The following RELL1 variants were observed in gnomAD, a reference collection of about 807,000 sequenced individuals.
RELL1 encodes the protein RELT-like protein 1.
RELL1 carries 10 observed loss-of-function variants against 23.0 expected under a neutral mutation model. The ratio of observed to expected loss-of-function variants is 0.43; its 90% CI spans 0.27 to 0.74. The LOEUF (loss-of-function observed/expected upper bound fraction) is 0.74, where lower values mean the gene tolerates loss of function less well. RELL1 is among the 30% of genes least tolerant of loss of function. The pLI is 0.19. For missense variants in RELL1, 315 were observed against 364.4 expected, an observed-to-expected ratio of 0.86 and a Z score of 1.10; for synonymous variants, 146 against 146.8, an observed-to-expected ratio of 0.99 and a Z score of 0.04.
At chr4:37,595,609 G>GTATAC (rs1553870167) in intron 6 of RELL1, among the ~76,000 whole-genome samples, 1 of 152,198 alleles carries the variant, frequency 6.6e-6, no homozygotes, top group Non-Finnish European at 1.5e-5. Context: ...TGTAATAAAG[G>GTATAC]ATGTGGGAGC....
rs1252472736 is a variant in RELL1, at chr4:37,673,196, T to TTTTTTC, written c.88+13003_88+13004insGAAAAA. On this transcript the variant is annotated intron_variant, in intron 1 of 6. Transcript: ENST00000454158. ...ATATACTTTTTTTTTCTTTTTTTTTTTTTTTTTTTTTGAGACAGGGTTTCA... is the reference window on the plus strand; with the variant it reads ...ATATACTTTTTTTTTCTTTTTTTTTTTTTTTCTTTTTTTTTTTGAGACAGGGTTTCA... 6.1e-5 allele frequency among the ~76,000 whole-genome samples: 7 copies of TTTTTTC among 114,540 alleles called. 1 individual carries two copies. Among genetic ancestry groups the TTTTTTC allele is most frequent in the East Asian group, 5.0e-4 (2 of 4,002 alleles). 75.1% of individuals were successfully genotyped at this position (114,540 alleles called of 152,430 possible). A position where few individuals can be genotyped will look rare whatever the true frequency, so the allele number is the denominator to read the frequency against.
At chr4:37,603,809 TTTG>T (rs913041493) in intron 6 of RELL1, among the ~76,000 whole-genome samples, 13 of 151,972 alleles carry the variant, frequency 8.6e-5, no homozygotes, top group African/African-American at 1.5e-4. Flanking sequence ...GTTGCTTTTT[TTTG>T]TTGTTGTTGT....
chr4:37,654,725 G>A (rs1014460299), intron 1 of RELL1, among the ~76,000 whole-genome samples: 3 of 152,088 alleles, frequency 2.0e-5, no homozygotes, highest in Non-Finnish European at 4.4e-5. Context: ...TCTAAATCAT[G>A]GTTTCATTTG....
At chr4:37,654,175 A>G (rs917227304) in intron 1 of RELL1, among the ~76,000 whole-genome samples, 1 of 152,258 alleles carries the variant, frequency 6.6e-6, no homozygotes, top group Admixed American at 6.5e-5. Context: ...ATTATTCAGT[A>G]AGATAGCCAC....
At position 37,593,704 on chromosome 4, in the gene RELL1, G is replaced by A. The variant is rs140896005; in HGVS notation, c.*4-2487C>T. The stretch of plus-strand genomic sequence containing the variant: ...GAAGGGGAAATGGACAATGAGTTTC[G>A]AGGCGGTCAGTTTACAGTCTCTGCC... On this transcript the variant is annotated intron_variant, in intron 6 of 6. Transcript: ENST00000314117. Among the ~76,000 whole-genome samples the A allele has an allele frequency of 6.8e-3, 1,030 of 152,240 alleles. 13 individuals carry two copies. Among genetic ancestry groups the A allele is most frequent in the South Asian group, 0.043 (206 of 4,810 alleles).
chr4:37,602,309 C>T (rs1057021831), intron 6 of RELL1, among the ~76,000 whole-genome samples: 1 of 151,172 alleles, frequency 6.6e-6, no homozygotes, highest in African/African-American at 2.4e-5. Flanking sequence ...GAAGACTACA[C>T]AGCAGGAAAT....
chr4:37,662,522 G>T (rs1721390986), intron 1 of RELL1, among the ~76,000 whole-genome samples: 1 of 151,484 alleles, frequency 6.6e-6, no homozygotes, highest in Admixed American at 6.6e-5. Context: ...TGAACCCCGG[G>T]TTGCTACCAG....
intron 3 of RELL1, among the ~76,000 whole-genome samples, chr4:37,646,624 G>A (rs1162896763): frequency 2.0e-5 from 3 of 152,072 alleles, no homozygotes; most frequent in Non-Finnish European, 4.4e-5. Context: ...TTTTTTAAGC[G>A]CATGAAAAAG....
Position 37,612,176 on chromosome 4 carries a change from CAAAAAAAAAAAA to C in RELL1, c.*1158_*1169del, listed in dbSNP as rs36064800. Among the ~76,000 whole-genome samples the C allele has an allele frequency of 1.1e-4, 6 of 53,786 alleles. No individual in the cohort carries two copies. Among genetic ancestry groups the C allele is most frequent in the Non-Finnish European group, 1.8e-4 (5 of 28,146 alleles). 35.3% of individuals were successfully genotyped at this position (53,786 alleles called of 152,430 possible). Reference sequence around the variant, plus strand: ...TGGGCGACAGAGCGAGACTCCGCCTCAAAAAAAAAAAAAAAAAAAAAAAAAGAGAGAAGCAGG... The same window carrying C: ...TGGGCGACAGAGCGAGACTCCGCCTCAAAAAAAAAAAAAGAGAGAAGCAGG... On this transcript the variant is annotated 3_prime_UTR_variant, in exon 7 of 7. Transcript: ENST00000454158.
chr4:37,643,906 G>T (rs1484841997), intron 3 of RELL1, among the ~76,000 whole-genome samples: 1 of 152,182 alleles, frequency 6.6e-6, no homozygotes, highest in Non-Finnish European at 1.5e-5. Context: ...TATTACCTGA[G>T]GGCCCAGGAA....
intron 1 of RELL1, among the ~76,000 whole-genome samples, chr4:37,677,379 G>A (rs1369728374): frequency 6.6e-6 from 1 of 152,188 alleles, no homozygotes; most frequent in Non-Finnish European, 1.5e-5. Flanking sequence ...CACAGTCAAG[G>A]TCTCTTCCAG....
At position 37,599,618 on chromosome 4, in the gene RELL1, T is replaced by C. The variant is rs1034023155; in HGVS notation, c.*4-8401A>G. 6.6e-5 allele frequency among the ~76,000 whole-genome samples: 10 copies of C among 152,344 alleles called. No individual in the cohort carries two copies. In the South Asian group the frequency reaches 1.9e-3, roughly 28 times the overall value. On this transcript the variant is annotated intron_variant, in intron 6 of 6. Transcript: ENST00000314117. ...GGATCTAGTGCTACTACAGGACTTT[T>C]GGTGACAAGGAAGTGGGCCAAAGTA...
intron 3 of RELL1, among the ~76,000 whole-genome samples, chr4:37,644,751 C>T (rs1363700214): frequency 2.6e-5 from 4 of 152,224 alleles, no homozygotes; most frequent in South Asian, 2.1e-4. Flanking sequence ...TGAGCCAGCA[C>T]GCCCGGCCGC....
At chr4:37,646,785 TG>T (rs1720723348) in intron 3 of RELL1, among the ~76,000 whole-genome samples, 1 of 152,172 alleles carries the variant, frequency 6.6e-6, no homozygotes, top group Non-Finnish European at 1.5e-5. Flanking sequence ...TGGAGTGCAG[TG>T]GTGTGATCAC....
At chr4:37,606,761 T>G (rs1390000226), downstream of RELL1, among the ~76,000 whole-genome samples, 1 of 152,214 alleles carries the variant, frequency 6.6e-6, no homozygotes, top group East Asian at 1.9e-4. The surrounding 1 kb of genome is among the most constrained non-coding windows in gnomAD (Gnocchi z 4.1). Context: ...TTTTGGTAAT[T>G]TGTTATGGTA....
chr4:37,631,764 C>T (rs185066797), intron 5 of RELL1, among the ~76,000 whole-genome samples: 3 of 152,228 alleles, frequency 2.0e-5, no homozygotes, highest in Admixed American at 2.0e-4. Flanking sequence ...TTTTACAGAG[C>T]ATGCAAAAGG....
chr4:37,621,699 A>G (rs1719773293), intron 6 of RELL1, among the ~76,000 whole-genome samples: 1 of 152,144 alleles, frequency 6.6e-6, no homozygotes, highest in South Asian at 2.1e-4. Flanking sequence ...GATAAAGAGG[A>G]AGAACAGATA....
chr4:37,647,190 C>A (rs1228313058), intron 3 of RELL1, among the ~76,000 whole-genome samples, 178 bp downstream of exon 3: 1 of 152,166 alleles, frequency 6.6e-6, no homozygotes, highest in Non-Finnish European at 1.5e-5. Context: ...TAGACCGACT[C>A]ACGCTTAGAA....
Position 37,686,372 on chromosome 4 carries a change from C to T in RELL1, c.-85G>A, listed in dbSNP as rs895344681. The T allele has an allele frequency of 1.3e-5, 14 of 1,112,856 alleles. No individual in the cohort carries two copies. The highest frequency in any genetic ancestry group is 1.7e-5 in the Non-Finnish European group (14 of 827,334). 68.9% of individuals were successfully genotyped at this position (1,112,856 alleles called of 1,614,324 possible). A position where few individuals can be genotyped will look rare whatever the true frequency, so the allele number is the denominator to read the frequency against. On this transcript the variant is annotated 5_prime_UTR_variant, in exon 1 of 7. Coordinates refer to ENST00000454158, the MANE Select transcript of RELL1 (RefSeq NM_001085400.2). ...GCCGCTCCGGAGCCGGCGGGCTGAT[C>T]GAGTGGCTGGGCTGGGCCCCAGGGA...
Sources: gnomAD v4.1 joint callset for allele counts (sites outside exome capture counted in the v4.1 genomes callset) on GRCh38, gnomAD v4.1.1 for gene constraint, Gnocchi (gnomAD v3.1) non-coding constraint, MANE v1.5 for transcripts, NCBI Gene and HGNC (gene_info 2026-07-23, HGNC 2026-07-21) for gene names.